FREM1: variants seen among roughly 807,000 people sequenced by gnomAD.
FREM1 encodes FRAS1-related extracellular matrix protein 1.
A neutral mutation model predicts 210.1 loss-of-function variants in FREM1; 220 were observed. The observed-to-expected ratio is 1.05, with a 90% CI of 0.94 to 1.17. The LOEUF (loss-of-function observed/expected upper bound fraction) is 1.17, where lower values mean the gene tolerates loss of function less well. FREM1 is among the 50% of genes most tolerant of loss of function. The pLI is 0.00. For missense variants in FREM1, 3,454 were observed against 2,675.5 expected (o/e 1.29, Z -6.42); for synonymous variants, 1,189 against 980.2 (o/e 1.21, Z -3.98).
At chr9:14,816,724 T>C (rs918893538) in intron 15 of FREM1, 54 bp downstream of exon 15, 44 of 887,918 alleles carry the variant, frequency 5.0e-5, no homozygotes, top group Non-Finnish European at 6.5e-5. Flanking sequence ...TATTGTGTTA[T>C]GGCAGCACAA....
intron 22 of FREM1, among the ~76,000 whole-genome samples, chr9:14,790,137 G>A (rs992979715): frequency 6.6e-6 from 1 of 152,114 alleles, no homozygotes; most frequent in African/African-American, 2.4e-5. Flanking sequence ...AGCAAGGGGA[G>A]GTGGCACAGC....
Position 14,776,040 on chromosome 9 carries a change from C to A in FREM1, c.4606G>T (p.Asp1536Tyr). The A allele has an allele frequency of 1.9e-6, 3 of 1,614,004 alleles. No homozygotes were observed. The highest frequency in any genetic ancestry group is 2.5e-6 in the Non-Finnish European group (3 of 1,179,868). The stretch of plus-strand genomic sequence containing the variant: ...AAGGTGAGGTTCTCCGCAGGTGTAT[C>A]AGGGTCGGTCAGCTGAAGGAGGTCA... ...SPDLLQLTDP[D>Y]TPAENLTFLL... Residue 1536 changes from aspartate (D) to tyrosine (Y), a missense_variant, in exon 25 of 37, where the codon GAT becomes TAT. By Grantham distance (160) the Asp-to-Tyr change is radical (BLOSUM62 -3). Transcript: ENST00000380880.
intron 30 of FREM1, 47 bp downstream of exon 30, chr9:14,750,080 C>G: frequency 6.3e-7 from 1 of 1,593,906 alleles, no homozygotes; most frequent in Non-Finnish European, 8.5e-7. Context: ...GCAAGAGCTA[C>G]AGCGCCAGGA....
At chr9:14,865,281 C>A (rs998964120) in intron 2 of FREM1, among the ~76,000 whole-genome samples, 4 of 152,140 alleles carry the variant, frequency 2.6e-5, no homozygotes, top group Non-Finnish European at 5.9e-5. Flanking sequence ...CAGCAAATTT[C>A]TTGCTTTGGG....
In FREM1 at chr9:14,770,335, G is replaced by A. The variant is rs138465244; in HGVS notation, c.5059+270C>T. Among the ~76,000 whole-genome samples, 81 of 152,194 alleles carry A rather than the reference G, an allele frequency of 5.3e-4. 2 individuals carry two copies. The East Asian group carries it at 9.7e-3, about 18-fold the overall frequency. Reference sequence around the variant, plus strand: ...ATAGGAAATTTGGTCCTGATATTATGTTCCTTTGAATATATTATAATCAGC... The same window carrying A: ...ATAGGAAATTTGGTCCTGATATTATATTCCTTTGAATATATTATAATCAGC... On this transcript the variant is annotated intron_variant, in intron 26 of 36. Coordinates refer to ENST00000380880, the MANE Select transcript of FREM1 (RefSeq NM_001379081.2).
chr9:14,851,410 C>T lies in FREM1; in HGVS notation c.1026G>A (p.Gln342=), dbSNP rs767219371. ...LVFNITKAPL[Q]GYVTHLLDHT... The stretch of plus-strand genomic sequence containing the variant: ...GATCCAACAGGTGAGTCACATAGCC[C>T]TGGAGCGGGGCTTTAGTAATGTTGA... The change falls in exon 6 of 37, where the codon CAG becomes CAA. Residue 342 remains glutamine (Q), a synonymous_variant. Coordinates refer to ENST00000380880, the MANE Select transcript of FREM1 (RefSeq NM_001379081.2). 6.2e-7 allele frequency: 1 copy of T among 1,613,892 alleles called. No homozygotes were observed. The highest frequency in any genetic ancestry group is 1.1e-5 in the South Asian group (1 of 91,074).
intron 31 of FREM1, among the ~76,000 whole-genome samples, chr9:14,748,178 T>C (rs1052895066): frequency 2.0e-5 from 3 of 152,292 alleles, no homozygotes; most frequent in Non-Finnish European, 4.4e-5. Flanking sequence ...AGAAATCATA[T>C]GGATGAATCA....
chr9:14,896,975 A>G (rs1837853872), intron 1 of FREM1, among the ~76,000 whole-genome samples: 1 of 152,238 alleles, frequency 6.6e-6, no homozygotes, highest in African/African-American at 2.4e-5. Context: ...TGCAGCAGAA[A>G]ACAGATCAAC....
chr9:14,848,629 G>A (rs1400462309), intron 7 of FREM1, 36 bp downstream of exon 7: 1 of 1,246,832 alleles, frequency 8.0e-7, no homozygotes, highest in Non-Finnish European at 1.2e-6. Flanking sequence ...ATTCCCTTCA[G>A]GGCTATGTTG....
chr9:14,860,424 C>T (rs1248767325), intron 3 of FREM1, among the ~76,000 whole-genome samples: 1 of 151,708 alleles, frequency 6.6e-6, no homozygotes, highest in Non-Finnish European at 1.5e-5. Flanking sequence ...TTCCAGCCTC[C>T]CAGCAGCCTA....
At chr9:14,786,436 C>G (rs1380699873) in intron 23 of FREM1, among the ~76,000 whole-genome samples, 2 of 152,174 alleles carry the variant, frequency 1.3e-5, no homozygotes, top group African/African-American at 4.8e-5. Context: ...TAAAGATATT[C>G]AGCCTCATGA....
At chr9:14,809,879 G>GATGTATGT (rs111568448) in intron 16 of FREM1, among the ~76,000 whole-genome samples, 20 of 150,476 alleles carry the variant, frequency 1.3e-4, no homozygotes, top group African/African-American at 4.6e-4. Flanking sequence ...GAATAGCACA[G>GATGTATGT]ATGTATGTAT....
At chr9:14,760,825 C>T (rs1845359318) in intron 27 of FREM1, among the ~76,000 whole-genome samples, 1 of 152,192 alleles carries the variant, frequency 6.6e-6, no homozygotes, top group Admixed American at 6.5e-5. Flanking sequence ...TTTATCTTTA[C>T]CCAGAAACAT....
At chr9:14,828,861 A>G (rs185081223) in intron 10 of FREM1, among the ~76,000 whole-genome samples, 5 of 152,320 alleles carry the variant, frequency 3.3e-5, no homozygotes, top group Admixed American at 3.3e-4. Context: ...CCAGCATTAC[A>G]ATATGGTGTA....
chr9:14,802,562 C>G, intron 19 of FREM1, among the ~76,000 whole-genome samples: 1 of 152,126 alleles, frequency 6.6e-6, no homozygotes, highest in East Asian at 1.9e-4. Context: ...CCTTTAAACA[C>G]AAAGACAATT....
intron 35 of FREM1, among the ~76,000 whole-genome samples, chr9:14,743,996 G>A (rs1841998607): frequency 6.6e-6 from 1 of 152,010 alleles, no homozygotes; most frequent in African/African-American, 2.4e-5. Flanking sequence ...ACGGAAGAAT[G>A]TCTTATTTGT....
In FREM1 at chr9:14,747,230, T is replaced by C. The variant is rs766678522; in HGVS notation, c.6009+34A>G. Reference sequence around the variant, plus strand: ...TTCTGGCCCAGCAAACAACTTGTTATAAGGTGAGTAAGAAGGAACAAAGAT... The same window carrying C: ...TTCTGGCCCAGCAAACAACTTGTTACAAGGTGAGTAAGAAGGAACAAAGAT... On this transcript the variant is annotated intron_variant, in intron 33 of 36. Coordinates refer to ENST00000380880, the MANE Select transcript of FREM1 (RefSeq NM_001379081.2). The C allele has an allele frequency of 1.0e-5, 16 of 1,603,514 alleles. No individual in the cohort carries two copies. The South Asian group carries it at 1.8e-4, about 18-fold the overall frequency.
At chr9:14,782,861 A>T (rs1380091300) in intron 24 of FREM1, among the ~76,000 whole-genome samples, 1 of 152,238 alleles carries the variant, frequency 6.6e-6, no homozygotes, top group East Asian at 1.9e-4. Context: ...ATTTCAAAGA[A>T]GAGGAAACAA....
At chr9:14,738,654 G>A (rs1202980641) in intron 36 of FREM1, among the ~76,000 whole-genome samples, 2 of 152,164 alleles carry the variant, frequency 1.3e-5, no homozygotes, top group African/African-American at 2.4e-5. Context: ...CCTTTAAAGA[G>A]AAGTAGTGGG....
Sources: gnomAD v4.1 joint callset for allele counts (sites outside exome capture counted in the v4.1 genomes callset) on GRCh38, gnomAD v4.1.1 for gene constraint, MANE v1.5 for transcripts, NCBI Gene and HGNC (gene_info 2026-07-23, HGNC 2026-07-21) for gene names.